The following EIF2B4 variants were observed in gnomAD, a reference collection of about 807,000 sequenced individuals.
EIF2B4 encodes eukaryotic translation initiation factor 2B subunit delta.
In EIF2B4, 34 loss-of-function variants were observed where a neutral mutation model predicts 66.7. The ratio of observed to expected loss-of-function variants is 0.51; its 90% CI spans 0.39 to 0.68. EIF2B4 has a LOEUF of 0.68. Among genes scored for constraint, EIF2B4 ranks in the 30% least tolerant of loss-of-function variants. EIF2B4 has a pLI of 0.00. For synonymous variants in EIF2B4, 278 were observed against 253.6 expected (o/e 1.10, Z -0.92); for missense variants, 618 against 657.9 (o/e 0.94, Z 0.66).
At position 27,366,449 on chromosome 2, in the gene EIF2B4, G is replaced by A. The variant is rs1414728247; in HGVS notation, c.1191+310C>T. The A allele has an allele frequency of 2.2e-5, 9 of 405,996 alleles. No individual in the cohort carries two copies. The East Asian group carries it at 2.7e-4, about 12-fold the overall frequency. The allele number at this position is 405,996 out of a possible 1,614,324, so 25.1% of individuals were successfully genotyped here. A position where few individuals can be genotyped will look rare whatever the true frequency, so the allele number is the denominator to read the frequency against. ...TATGATCCCAGTACTTTGGGAGGCC[G>A]AGACAGGGGGAACTGCTTGAGCCCA... On this transcript the variant is annotated intron_variant, in intron 11 of 12. Transcript: ENST00000347454.
chr2:27,367,690 A>G, intron 8 of EIF2B4, 56 bp downstream of exon 8: 2 of 1,588,670 alleles, frequency 1.3e-6, no homozygotes, highest in Non-Finnish European at 8.6e-7. Flanking sequence ...AGCAGGAAAA[A>G]GAGTACAAGA....
chr2:27,365,644 G>A (rs150886596), intron 11 of EIF2B4: 19 of 152,252 alleles, frequency 1.2e-4, no homozygotes, highest in African/African-American at 4.6e-4. Flanking sequence ...CCAAAGTGCT[G>A]GAATTACAGG....
At chr2:27,365,186 A>G in intron 11 of EIF2B4, 1 of 378,262 alleles carries the variant, frequency 2.6e-6, no homozygotes, top group Non-Finnish European at 5.1e-6. Context: ...CCTCCCGAGT[A>G]GCTGGGATTA....
chr2:27,368,293 C>T (rs1231154939), intron 6 of EIF2B4, 79 bp downstream of exon 6: 2 of 1,418,080 alleles, frequency 1.4e-6, no homozygotes, highest in Middle Eastern at 1.8e-4. Flanking sequence ...GAGTCCATCT[C>T]AGATTACTAG....
chr2:27,364,489 C>G lies in EIF2B4; in HGVS notation c.1483G>C (p.Glu495Gln), dbSNP rs780050233. 1.2e-6 allele frequency: 2 copies of G among 1,614,188 alleles called. No homozygotes were observed. The highest frequency in any genetic ancestry group is 1.7e-6 in the Non-Finnish European group (2 of 1,180,044). Residue 495 changes from glutamate (E) to glutamine (Q), a missense_variant, in exon 13 of 13, where the codon GAG becomes CAG. Around this residue, in one of 4 missense-constraint regions of EIF2B4, gnomAD observed 63 missense variants for 47.5 expected, o/e 1.33. Coordinates refer to ENST00000347454, the MANE Select transcript of EIF2B4 (RefSeq NM_001034116.2). Reference sequence around the variant, plus strand: ...TCCGTGATCACCAGATCCACAAGCTCTGGGGGAGTCACATCATAGACTAGA... The same window carrying G: ...TCCGTGATCACCAGATCCACAAGCTGTGGGGGAGTCACATCATAGACTAGA... ...LNLVYDVTPP[E>Q]LVDLVITELG...
In EIF2B4 at chr2:27,368,719, G is replaced by C; in HGVS notation, c.433C>G (p.Pro145Ala). The C allele has an allele frequency of 6.2e-7, 1 of 1,614,128 alleles. No individual in the cohort carries two copies. Among genetic ancestry groups the C allele is most frequent in the Non-Finnish European group, 8.5e-7 (1 of 1,180,040 alleles). ...AGGTCATCAACCTGAGGGTACTCAG[G>C]GAGACGCTTCACTCCTGAAAGATAA... ...GETPSGVKRL[P>A]EYPQVDDLLL... Residue 145 changes from proline to alanine, a missense_variant, in exon 5 of 13, where the codon CCT (proline) becomes GCT (alanine). Physicochemically the swap from Pro to Ala is conservative, Grantham distance 27 (BLOSUM62 -1). Transcript: ENST00000347454.
At chr2:27,368,956 C>A (rs776773132) in intron 4 of EIF2B4, 50 bp downstream of exon 4, 25 of 1,609,164 alleles carry the variant, frequency 1.6e-5, no homozygotes, top group Non-Finnish European at 2.1e-5. Flanking sequence ...GCAGCCTGAG[C>A]TGGCGTTATA....
Position 27,369,911 on chromosome 2 carries a change from A to G in EIF2B4, c.40T>C (p.Ser14Pro). ...GGGGGAAGCTCCGCCTTCATCCCGG[A>G]TCCCGAGTCTGCATCAGAAAACAGG... ...VAVAVREDSGSGMKAELPPGP... is the reference protein window; with the variant it reads ...VAVAVREDSGPGMKAELPPGP... Residue 14 changes from serine to proline, a missense_variant, in exon 2 of 13, where the codon TCC becomes CCC. This residue lies in a region of EIF2B4 where 506 missense variants were observed against 511.9 expected (regional missense o/e 0.99). Transcript: ENST00000347454. 1 of 1,583,898 alleles carries G rather than the reference A, an allele frequency of 6.3e-7. No individual in the cohort carries two copies. Among genetic ancestry groups the G allele is most frequent in the Non-Finnish European group, 8.6e-7 (1 of 1,165,392 alleles).
chr2:27,367,390 G>C, intron 9 of EIF2B4, 67 bp downstream of exon 9: 4 of 1,604,200 alleles, frequency 2.5e-6, no homozygotes, highest in Non-Finnish European at 3.4e-6. Flanking sequence ...GCCTTCCCGG[G>C]AGTTTTTAAC....
At position 27,364,545 on chromosome 2, in the gene EIF2B4, C is replaced by T; in HGVS notation, c.1427G>A (p.Trp476Ter). 1 of 1,614,206 alleles carries T rather than the reference C, an allele frequency of 6.2e-7. No individual in the cohort carries two copies. The highest frequency in any genetic ancestry group is 8.5e-7 in the Non-Finnish European group (1 of 1,180,046). Residue 476 changes from tryptophan to a stop codon, truncating the protein, a stop_gained, in exon 13 of 13, where the codon TGG becomes TAG. Coordinates refer to ENST00000347454, the MANE Select transcript of EIF2B4 (RefSeq NM_001034116.2). LOFTEE classifies it high-confidence loss of function. ...CAACCGTAGGGATGCGTGGTTCTGC[C>T]AGTTAGCCAGCGCAACATGTTCTCC... ...KRGEHVALANWQNHASLRLLN... is the reference protein window; with the variant it reads ...KRGEHVALAN
rs770898806 is a variant in EIF2B4, at chr2:27,367,138, G to A, written c.949C>T (p.Gln317Ter). 2 of 1,614,196 alleles carry A rather than the reference G, an allele frequency of 1.2e-6. No homozygotes were observed. The highest frequency in any genetic ancestry group is 1.7e-6 in the Non-Finnish European group (2 of 1,180,040). Residue 317 changes from glutamine (Q) to a stop codon, truncating the protein, a stop_gained, in exon 10 of 13, where the codon CAG (glutamine) becomes TAG (stop). Transcript: ENST00000347454. LOFTEE classifies it high-confidence loss of function. ...TGGTAAGCAAAGCGTGAAATTGCCT[G>A]AGCTGCTAGCACAATCTTCTCTTGC... The part of the protein sequence containing the change: ...YVQEKIVLAA[Q>*]AISRFAYQKI...
At chr2:27,367,705 G>C in intron 8 of EIF2B4, 41 bp downstream of exon 8, 1 of 1,594,640 alleles carries the variant, frequency 6.3e-7, no homozygotes, top group Non-Finnish European at 8.6e-7. Flanking sequence ...ACAAGACAAA[G>C]ATTGGGCGAG....
chr2:27,370,221 G>C (rs1311655871), intron 1 of EIF2B4, 63 bp downstream of exon 1: 1 of 1,541,206 alleles, frequency 6.5e-7, no homozygotes, highest in Non-Finnish European at 8.7e-7. Context: ...TCAAGGCCCG[G>C]CACTAGCTGT....
At chr2:27,369,675 G>C in intron 2 of EIF2B4, 126 bp from the exon 3 acceptor site, 1 of 1,547,022 alleles carries the variant, frequency 6.5e-7, no homozygotes, top group African/African-American at 1.4e-5. Context: ...CAAGCTACCT[G>C]TTGCAAGCTT....
At position 27,369,384 on chromosome 2, in the gene EIF2B4, C is replaced by T. The variant is rs761508528; in HGVS notation, c.211+30G>A. On this transcript the variant is annotated intron_variant, in intron 3 of 12. Transcript: ENST00000347454. ...CACATCCCTCTACCAGCTCCACACC[C>T]CAGCCCTTTAAAAGAGACCCCTCAC... 15 of 1,613,666 alleles carry T rather than the reference C, an allele frequency of 9.3e-6. No individual in the cohort carries two copies. The African/African-American group carries it at 1.6e-4, about 17-fold the overall frequency.
Position 27,366,907 on chromosome 2 carries a change from T to G in EIF2B4, c.1043A>C (p.Glu348Ala). 6.2e-7 allele frequency: 1 copy of G among 1,614,158 alleles called. No individual in the cohort carries two copies. The highest frequency in any genetic ancestry group is 8.5e-7 in the Non-Finnish European group (1 of 1,180,032). The change falls in exon 11 of 13, where the codon GAG (glutamate) becomes GCG (alanine). Residue 348 changes from glutamate (E) to alanine (A), a missense_variant. By Grantham distance (107) the Glu-to-Ala change is moderately radical (BLOSUM62 -1). Transcript: ENST00000347454. ...CSSLVSRILQEAWTEGRRFRV... is the reference protein window; with the variant it reads ...CSSLVSRILQAAWTEGRRFRV... Reference sequence around the variant, plus strand: ...AAACCGCCGGCCCTCTGTCCAAGCCTCCTGAAGAATTCGTGATACCAGAGA... The same window carrying G: ...AAACCGCCGGCCCTCTGTCCAAGCCGCCTGAAGAATTCGTGATACCAGAGA...
intron 2 of EIF2B4, 103 bp downstream of exon 2, chr2:27,369,773 C>T: frequency 6.8e-7 from 1 of 1,479,544 alleles, no homozygotes; most frequent in Non-Finnish European, 9.1e-7. Flanking sequence ...CCTGGCTTTA[C>T]TGAGAAATAA....
rs780149885 is a variant in EIF2B4, at chr2:27,364,889, C to T, written c.1201G>A (p.Val401Met). ...ASYVLPEVSK[V>M]LLGAHALLAN... is the part of the protein sequence containing the mutation. The stretch of plus-strand genomic sequence containing the variant: ...AAGAGTGCATGAGCTCCCAATAGCA[C>T]CTTGGAAACCTGTTTCACAGGAGAA... The change falls in exon 12 of 13, where the codon GTG (valine) becomes ATG (methionine). Residue 401 changes from valine (V) to methionine (M), a missense_variant. Physicochemically the swap from Val to Met is conservative, Grantham distance 21. This residue lies in a region of EIF2B4 where 506 missense variants were observed against 511.9 expected (regional missense o/e 0.99). Transcript: ENST00000347454. The T allele has an allele frequency of 5.0e-6, 8 of 1,613,912 alleles. No homozygotes were observed. Among genetic ancestry groups the T allele is most frequent in the East Asian group, 2.2e-5 (1 of 44,898 alleles).
rs1372683504 is a variant in EIF2B4, at chr2:27,368,458, A to G, written c.504T>C (p.Pro168=). 6.2e-7 allele frequency: 1 copy of G among 1,613,924 alleles called. No homozygotes were observed. Among genetic ancestry groups the G allele is most frequent in the East Asian group, 2.2e-5 (1 of 44,886 alleles). ...LVKKPERQQV[P]TRKDYGSKVS... ...CTTTGGATCCATAATCCTTTCGTGT[A>G]GGAACCTTGACAAAACAAGGGAACA... The change falls in exon 6 of 13, where the codon CCT becomes CCC. Residue 168 remains proline (P), a synonymous_variant. Coordinates refer to ENST00000347454, the MANE Select transcript of EIF2B4 (RefSeq NM_001034116.2).
Sources: gnomAD v4.1 joint callset for allele counts on GRCh38, gnomAD v4.1.1 for gene constraint, gnomAD v4.1.1 regional missense constraint, MANE v1.5 for transcripts, NCBI Gene and HGNC (gene_info 2026-07-23, HGNC 2026-07-21) for gene names.